The following ITFG1 variants were observed in gnomAD, a reference collection of about 807,000 sequenced individuals.
The protein encoded by ITFG1 is T-cell immunomodulatory protein.
In ITFG1, 34 loss-of-function variants were observed where a neutral mutation model predicts 81.8. The observed-to-expected ratio is 0.42, with a 90% CI of 0.32 to 0.55. The LOEUF (loss-of-function observed/expected upper bound fraction) is 0.55, where lower values mean the gene tolerates loss of function less well. Among genes scored for constraint, ITFG1 ranks in the 20% least tolerant of loss-of-function variants. The pLI is 0.17. For synonymous variants in ITFG1, 285 were observed against 270.6 expected, an observed-to-expected ratio of 1.05 and a Z score of -0.52; for missense variants, 672 against 755.4, an observed-to-expected ratio of 0.89 and a Z score of 1.29.
At chr16:47,261,209 C>G (rs953337023) in intron 10 of ITFG1, among the ~76,000 whole-genome samples, 15 of 152,190 alleles carry the variant, frequency 9.9e-5, no homozygotes, top group African/African-American at 2.7e-4. Flanking sequence ...CTCTTGAATC[C>G]TACTCTAGAG....
At chr16:47,457,634 T>C (rs1478165762) in intron 2 of ITFG1, among the ~76,000 whole-genome samples, 1 of 152,212 alleles carries the variant, frequency 6.6e-6, no homozygotes, top group South Asian at 2.1e-4. Flanking sequence ...GAAGAATAGT[T>C]ATTTTTACTT....
chr16:47,374,066 C>T (rs1205172636), intron 7 of ITFG1, among the ~76,000 whole-genome samples: 3 of 152,120 alleles, frequency 2.0e-5, no homozygotes, highest in Non-Finnish European at 4.4e-5. Flanking sequence ...CCAACCACTA[C>T]CCTGCCCAAG....
chr16:47,409,400 A>ATG (rs1968776759), intron 6 of ITFG1, among the ~76,000 whole-genome samples: 1 of 12,700 alleles, frequency 7.9e-5, no homozygotes, highest in Admixed American at 1.2e-3. Context: ...ATATATATAT[A>ATG]TATATTTTTT....
At chr16:47,314,043 T>C (rs1464647130) in intron 8 of ITFG1, among the ~76,000 whole-genome samples, 1 of 152,154 alleles carries the variant, frequency 6.6e-6, no homozygotes, top group Non-Finnish European at 1.5e-5. Context: ...CACACTTCTG[T>C]GTGGTTAAGC....
chr16:47,435,934 C>G (rs760385218), intron 5 of ITFG1, among the ~76,000 whole-genome samples: 5 of 151,956 alleles, frequency 3.3e-5, no homozygotes, highest in Admixed American at 1.3e-4. Flanking sequence ...AAAATGATTA[C>G]TTTAAAAATG....
At chr16:47,267,207 C>T (rs1421072221) in intron 10 of ITFG1, among the ~76,000 whole-genome samples, 1 of 152,110 alleles carries the variant, frequency 6.6e-6, no homozygotes, top group Non-Finnish European at 1.5e-5. Context: ...CTCAACAAAA[C>T]TATTTACATA....
At chr16:47,191,807 G>A (rs543159500) in intron 14 of ITFG1, among the ~76,000 whole-genome samples, 7 of 152,026 alleles carry the variant, frequency 4.6e-5, no homozygotes, top group South Asian at 2.1e-4. Context: ...GAGCCACCGC[G>A]CCTGCCCTTT....
intron 4 of ITFG1, among the ~76,000 whole-genome samples, chr16:47,451,835 T>C (rs972518608): frequency 2.6e-5 from 4 of 152,146 alleles, no homozygotes; most frequent in Non-Finnish European, 5.9e-5. Flanking sequence ...AAGAAATAAA[T>C]TCGTTTTGTG....
chr16:47,204,855 C>T (rs930881575), intron 14 of ITFG1, among the ~76,000 whole-genome samples: 1 of 152,204 alleles, frequency 6.6e-6, no homozygotes, highest in Non-Finnish European at 1.5e-5. Context: ...GCTGAGAAAA[C>T]TGTCTTTGTT....
At chr16:47,234,957 T>C (rs766497032) in intron 13 of ITFG1, among the ~76,000 whole-genome samples, 4 of 152,202 alleles carry the variant, frequency 2.6e-5, no homozygotes, top group Non-Finnish European at 2.9e-5. Flanking sequence ...GCACTCATTC[T>C]CCTGCTGCCC....
chr16:47,433,860 ATATATAT>A (rs1969126951), intron 5 of ITFG1, among the ~76,000 whole-genome samples: 1 of 1,732 alleles, frequency 5.8e-4, no homozygotes, highest in Admixed American at 5.9e-3. Context: ...AAAACTGAAT[ATATATAT>A]ATATATATAT....
chr16:47,223,312 G>A (rs1965716295), intron 13 of ITFG1, among the ~76,000 whole-genome samples: 1 of 152,058 alleles, frequency 6.6e-6, no homozygotes, highest in Admixed American at 6.6e-5. Flanking sequence ...TACAAAATGG[G>A]AGTAAATCTT....
intron 6 of ITFG1, among the ~76,000 whole-genome samples, chr16:47,426,533 A>T (rs2151608737): frequency 6.7e-6 from 1 of 148,850 alleles, no homozygotes; most frequent in South Asian, 2.2e-4. Flanking sequence ...TACCAGATAA[A>T]CCACACTAAA....
intron 6 of ITFG1, among the ~76,000 whole-genome samples, chr16:47,397,009 T>C (rs1968602087): frequency 6.6e-6 from 1 of 151,942 alleles, no homozygotes; most frequent in African/African-American, 2.4e-5. Flanking sequence ...GAACTAGAAA[T>C]TGATAGATGC....
intron 14 of ITFG1, among the ~76,000 whole-genome samples, chr16:47,215,886 C>T (rs1432251205): frequency 6.6e-6 from 1 of 151,966 alleles, no homozygotes; most frequent in Non-Finnish European, 1.5e-5. Flanking sequence ...TTTATGCATT[C>T]ATTTGATTTA....
intron 10 of ITFG1, among the ~76,000 whole-genome samples, chr16:47,297,244 T>A (rs1364427234): frequency 6.6e-6 from 1 of 152,200 alleles, no homozygotes; most frequent in Non-Finnish European, 1.5e-5. Flanking sequence ...TTACTCCTGC[T>A]TGCTTTTGGT....
At chr16:47,357,696 A>C (rs1469920756) in intron 8 of ITFG1, among the ~76,000 whole-genome samples, 1 of 152,160 alleles carries the variant, frequency 6.6e-6, no homozygotes, top group Non-Finnish European at 1.5e-5. Flanking sequence ...ATTTAGGAAA[A>C]AAACACTCTT....
chr16:47,207,375 C>T lies in ITFG1; in HGVS notation c.1453+11493G>A, dbSNP rs146076774. Among the ~76,000 whole-genome samples, 903 of 152,306 alleles carry T rather than the reference C, an allele frequency of 5.9e-3. 7 individuals carry two copies. Among genetic ancestry groups the T allele is most frequent in the African/African-American group, 0.02 (852 of 41,566 alleles). On this transcript the variant is annotated intron_variant, in intron 14 of 17. Transcript: ENST00000320640. ...CTGGGATTACAGGCGTGAGCCACCG[C>T]GCCCGGCCTGCTCTCTTATATTCTA...
intron 5 of ITFG1, among the ~76,000 whole-genome samples, chr16:47,440,622 T>C (rs1255248062): frequency 6.6e-6 from 1 of 152,084 alleles, no homozygotes; most frequent in African/African-American, 2.4e-5. Flanking sequence ...GAAATAAAGA[T>C]GTTCTTCGAA....
Sources: gnomAD v4.1 joint callset for allele counts (sites outside exome capture counted in the v4.1 genomes callset) on GRCh38, gnomAD v4.1.1 for gene constraint, MANE v1.5 for transcripts, NCBI Gene and HGNC (gene_info 2026-07-23, HGNC 2026-07-21) for gene names.